The following CLTRN variants were observed in gnomAD, a reference collection of about 807,000 sequenced individuals.
CLTRN encodes collectrin.
CLTRN carries 12 observed loss-of-function variants against 14.5 expected under a neutral mutation model. That is an observed-to-expected ratio of 0.83 (90% CI 0.53 to 1.34). CLTRN has a LOEUF of 1.34. Among genes scored for constraint, CLTRN ranks in the 40% most tolerant of loss-of-function variants. The probability of loss-of-function intolerance (pLI) is 0.00; values close to 1 mark genes in which losing one functional copy is unlikely to be tolerated. For synonymous variants in CLTRN, 58 were observed against 56.5 expected (o/e 1.03, Z -0.12); for missense variants, 154 against 165.1 (o/e 0.93, Z 0.37).
chrX:15,657,399 G>C (rs1929398916), intron 3 of CLTRN, among the ~76,000 whole-genome samples: 1 of 111,923 alleles, frequency 8.9e-6, no homozygotes, highest in Non-Finnish European at 1.9e-5. Context: ...ATATTTTAAA[G>C]GTAAACTCCC....
At chrX:15,637,725 G>C (rs1182947385) in intron 5 of CLTRN, among the ~76,000 whole-genome samples, 1 of 111,991 alleles carries the variant, frequency 8.9e-6, no homozygotes, top group East Asian at 2.8e-4. Flanking sequence ...AACACTTATT[G>C]AGCACTCACT....
At chrX:15,662,247 A>C (rs1456189283) in intron 2 of CLTRN, among the ~76,000 whole-genome samples, 1 of 109,664 alleles carries the variant, frequency 9.1e-6, no homozygotes, top group African/African-American at 3.3e-5. Flanking sequence ...TTTGCTTCAT[A>C]ATTTATAGAT....
intron 3 of CLTRN, among the ~76,000 whole-genome samples, chrX:15,656,962 T>C (rs4830973): frequency 0.31 from 34,088 of 109,656 alleles, 3,925 homozygotes; most frequent in East Asian, 0.41. Flanking sequence ...AAAACCACAA[T>C]TACTATTTCA....
intron 5 of CLTRN, among the ~76,000 whole-genome samples, chrX:15,634,691 T>G (rs997534673): frequency 9.8e-6 from 1 of 101,727 alleles, no homozygotes; most frequent in Non-Finnish European, 2.0e-5. Flanking sequence ...GAACAAAAAA[T>G]CAAACACCGC....
At chrX:15,653,634 T>C (rs1322571347) in intron 3 of CLTRN, among the ~76,000 whole-genome samples, 2 of 112,157 alleles carry the variant, frequency 1.8e-5, no homozygotes, top group Non-Finnish European at 3.8e-5. Context: ...CCACAACTTC[T>C]TTCTTCTCCT....
At chrX:15,666,072 G>C (rs1310084241), upstream of CLTRN, among the ~76,000 whole-genome samples, 1 of 111,683 alleles carries the variant, frequency 9.0e-6, no homozygotes, top group Non-Finnish European at 1.9e-5. Context: ...ACAGACACAG[G>C]TACCTACTTG....
intron 3 of CLTRN, chrX:15,646,456 G>GCA: frequency 7.0e-6 from 2 of 286,256 alleles, no homozygotes; most frequent in Admixed American, 4.2e-5. Context: ...AGAAAACCGC[G>GCA]CACCCACCCC....
chrX:15,637,067 A>AAT (rs756605038), intron 5 of CLTRN, among the ~76,000 whole-genome samples: 8 of 111,160 alleles, frequency 7.2e-5, no homozygotes, highest in East Asian at 2.8e-4. Flanking sequence ...AGTAAGTTTA[A>AAT]ATATATATAT....
chrX:15,632,488 G>A (rs1236137453), intron 5 of CLTRN, among the ~76,000 whole-genome samples: 2 of 111,051 alleles, frequency 1.8e-5, no homozygotes, highest in Admixed American at 1.9e-4. Context: ...TGAGGCAACA[G>A]AATTGCTTGA....
At chrX:15,672,866 T>C (rs1301700376) in intron 1 of CLTRN, among the ~76,000 whole-genome samples, 1 of 112,329 alleles carries the variant, frequency 8.9e-6, no homozygotes, top group African/African-American at 3.2e-5. Context: ...TCCACTAATA[T>C]GAATAAATGG....
chrX:15,646,663 G>C (rs1361069424), intron 3 of CLTRN: 3 of 339,857 alleles, frequency 8.8e-6, no homozygotes, highest in African/African-American at 8.0e-5. Flanking sequence ...GCCCGCATCC[G>C]CGTCCTGAGA....
chrX:15,638,537 T>C (rs1418044289), intron 5 of CLTRN, among the ~76,000 whole-genome samples: 1 of 112,187 alleles, frequency 8.9e-6, no homozygotes, highest in Admixed American at 9.5e-5. Flanking sequence ...AAAAACCATG[T>C]CCCTGTTATT....
At chrX:15,662,827 T>C (rs1192740128) in intron 2 of CLTRN, among the ~76,000 whole-genome samples, 1 of 111,574 alleles carries the variant, frequency 9.0e-6, no homozygotes, top group Non-Finnish European at 1.9e-5. Context: ...TTTGATGCTC[T>C]TGAACCCTCC....
chrX:15,638,728 C>T (rs1012361340), intron 5 of CLTRN, among the ~76,000 whole-genome samples: 8 of 111,999 alleles, frequency 7.1e-5, no homozygotes. Context: ...TTCTTCTCCA[C>T]TACCTCAGTA....
intron 3 of CLTRN, among the ~76,000 whole-genome samples, chrX:15,650,272 T>C (rs893691363): frequency 9.1e-6 from 1 of 109,596 alleles, no homozygotes. Flanking sequence ...CACAGACATA[T>C]ACATACATAT....
At chrX:15,669,838 CT>C (rs1336502606) in intron 1 of CLTRN, among the ~76,000 whole-genome samples, 1 of 112,251 alleles carries the variant, frequency 8.9e-6, no homozygotes, top group Non-Finnish European at 1.9e-5. Context: ...AATTAGTAAA[CT>C]GTAAAACCAT....
chrX:15,654,263 T>C (rs1331654582), intron 3 of CLTRN, among the ~76,000 whole-genome samples: 3 of 112,894 alleles, frequency 2.7e-5, no homozygotes, highest in Non-Finnish European at 5.6e-5. Context: ...AAATCCATTA[T>C]ATATTCTACA....
In CLTRN at chrX:15,664,410, AAAAG is replaced by A. The variant is rs772095702; in HGVS notation, c.59-19_59-16del. 1.5e-5 allele frequency: 17 copies of A among 1,166,619 alleles called. No homozygotes were observed. In the Admixed American group the frequency reaches 2.7e-4, roughly 18 times the overall value. On this transcript the variant is annotated splice_polypyrimidine_tract_variant and intron_variant, in intron 1 of 5. Transcript: ENST00000380342. ...ATTTTCTGCACCTGCCAGAAAAGAA[AAAAG>A]AAAGAGCAGTATATGATGATTAGGA...
intron 3 of CLTRN, among the ~76,000 whole-genome samples, chrX:15,655,459 C>G (rs1441988272): frequency 1.8e-5 from 2 of 112,035 alleles, no homozygotes; most frequent in Admixed American, 1.9e-4. Context: ...TCGGCTCTGC[C>G]TCCGGGGTGT....
Sources: allele counts gnomAD v4.1 joint callset (sites outside exome capture counted in the v4.1 genomes callset), GRCh38; gene constraint gnomAD v4.1.1; transcripts MANE v1.5; gene names NCBI Gene and HGNC (gene_info 2026-07-23, HGNC 2026-07-21).